PPP3CA: variants seen among roughly 807,000 people sequenced by gnomAD.
PPP3CA encodes the protein protein phosphatase 3 catalytic subunit alpha, also known as CAM-PRP catalytic subunit.
PPP3CA carries 14 observed loss-of-function variants against 66.5 expected under a neutral mutation model. That is an observed-to-expected ratio of 0.21 (90% confidence interval 0.14 to 0.33). The LOEUF (loss-of-function observed/expected upper bound fraction) is 0.33, where lower values mean the gene tolerates loss of function less well. PPP3CA is among the 10% of genes least tolerant of loss of function. PPP3CA has a pLI of 1.00. For missense variants in PPP3CA, 317 were observed against 639.5 expected, an observed-to-expected ratio of 0.50 and a Z score of 5.44; for synonymous variants, 232 against 226.2, an observed-to-expected ratio of 1.03 and a Z score of -0.23.
intron 1 of PPP3CA, among the ~76,000 whole-genome samples, chr4:101,303,635 TGTACAGGTTGTTAA>T (rs1440035134): frequency 6.6e-6 from 1 of 152,218 alleles, no homozygotes; most frequent in Admixed American, 6.5e-5. Context: ...ATATTCACAA[TGTACAGGTTGTTAA>T]CAATAGACAT....
chr4:101,106,426 A>G (rs1175896152), intron 3 of PPP3CA, among the ~76,000 whole-genome samples: 1 of 13,430 alleles, frequency 7.4e-5, no homozygotes, highest in Non-Finnish European at 1.6e-4. Context: ...AGAAAGAAAG[A>G]AAGAAAGAAA....
chr4:101,278,149 T>TAAAAAAAAAAAAAAAA (rs1200528599), intron 1 of PPP3CA, among the ~76,000 whole-genome samples: 24 of 119,548 alleles, frequency 2.0e-4, no homozygotes, highest in African/African-American at 8.8e-4. Flanking sequence ...ATAAAAAAAT[T>TAAAAAAAAAAAAAAAA]AAAAAGTTAT....
chr4:101,110,765 A>G (rs1721643069), intron 2 of PPP3CA, among the ~76,000 whole-genome samples: 1 of 152,214 alleles, frequency 6.6e-6, no homozygotes, highest in African/African-American at 2.4e-5. Flanking sequence ...TCTTGTAATC[A>G]TATGTGATAT....
chr4:101,198,384 T>C (rs1724866604), intron 1 of PPP3CA, among the ~76,000 whole-genome samples: 1 of 152,158 alleles, frequency 6.6e-6, no homozygotes, highest in African/African-American at 2.4e-5. Flanking sequence ...TGAGTCAAGA[T>C]ATGGGCTGGG....
chr4:101,093,049 T>A (rs561750271), intron 6 of PPP3CA, among the ~76,000 whole-genome samples: 3 of 152,192 alleles, frequency 2.0e-5, no homozygotes, highest in African/African-American at 4.8e-5. Context: ...TCCACAATGG[T>A]TGAACTAATT....
At chr4:101,166,537 A>G (rs1164379640) in intron 2 of PPP3CA, among the ~76,000 whole-genome samples, 1 of 152,182 alleles carries the variant, frequency 6.6e-6, no homozygotes, top group African/African-American at 2.4e-5. Flanking sequence ...AGAAAAGAAA[A>G]CTAAATTTCC....
At chr4:101,250,434 T>G (rs2583404) in intron 1 of PPP3CA, 395,815 of 442,334 alleles carry the variant, frequency 0.89, 177,443 homozygotes, top group African/African-American at 0.94. Flanking sequence ...ATTTAATAGA[T>G]TATTGTTATG....
At position 101,155,091 on chromosome 4, in the gene PPP3CA, G is replaced by A. The variant is rs143285108; in HGVS notation, c.259+40825C>T. 7.9e-5 allele frequency among the ~76,000 whole-genome samples: 12 copies of A among 152,016 alleles called. No individual in the cohort carries two copies. In the East Asian group the frequency reaches 1.2e-3, roughly 15 times the overall value. ...CGGCCTCCCAAAGTGCTGGGATTAC[G>A]GGCGTGAGCCAACGCGCCCAGCCAT... is the stretch of plus-strand genomic sequence containing the variant. On this transcript the variant is annotated intron_variant, in intron 2 of 13. Coordinates refer to ENST00000394854, the MANE Select transcript of PPP3CA (RefSeq NM_000944.5).
At chr4:101,333,182 G>T (rs1729493796) in intron 1 of PPP3CA, among the ~76,000 whole-genome samples, 2 of 136,858 alleles carry the variant, frequency 1.5e-5, no homozygotes, top group South Asian at 4.7e-4. Context: ...ATGACTCACT[G>T]CAGCCTCAAC....
intron 2 of PPP3CA, among the ~76,000 whole-genome samples, chr4:101,145,837 T>C (rs918304299): frequency 6.6e-6 from 1 of 152,164 alleles, no homozygotes; most frequent in African/African-American, 2.4e-5. Context: ...AGTTGACACA[T>C]GGCTGTAAAC....
In PPP3CA at chr4:101,317,705, T is replaced by C. The variant is rs538260474; in HGVS notation, c.58+29034A>G. ...AACACTATTTAATAAACTGGACTTT[T>C]GTGGACTTGGTCTACTTGATCCACT... On this transcript the variant is annotated intron_variant, in intron 1 of 13. Coordinates refer to ENST00000394854, the MANE Select transcript of PPP3CA (RefSeq NM_000944.5). 3.3e-5 allele frequency among the ~76,000 whole-genome samples: 5 copies of C among 152,360 alleles called. No individual in the cohort carries two copies. In the East Asian group the frequency reaches 9.6e-4, roughly 29 times the overall value.
intron 1 of PPP3CA, among the ~76,000 whole-genome samples, chr4:101,307,762 C>T (rs952005293): frequency 3.3e-5 from 5 of 152,168 alleles, no homozygotes; most frequent in East Asian, 1.9e-4. Context: ...CTTCCTCCAG[C>T]GCGAATACCA....
chr4:101,186,165 T>C (rs1031180935), intron 2 of PPP3CA, among the ~76,000 whole-genome samples: 2 of 152,074 alleles, frequency 1.3e-5, no homozygotes, highest in Non-Finnish European at 2.9e-5. Flanking sequence ...TACTAAGAAA[T>C]TGTTATAAAG....
chr4:101,137,541 C>T (rs527770400), intron 2 of PPP3CA, among the ~76,000 whole-genome samples: 3 of 152,162 alleles, frequency 2.0e-5, no homozygotes, highest in Admixed American at 2.0e-4. Context: ...CTGTGGAGCA[C>T]CTCAATGCCA....
chr4:101,303,994 C>T (rs1394343646), intron 1 of PPP3CA, among the ~76,000 whole-genome samples: 1 of 152,148 alleles, frequency 6.6e-6, no homozygotes, highest in African/African-American at 2.4e-5. Flanking sequence ...TGCTGACGCC[C>T]TGTACATATT....
chr4:101,334,773 A>G (rs1453722979), intron 1 of PPP3CA, among the ~76,000 whole-genome samples: 1 of 152,132 alleles, frequency 6.6e-6, no homozygotes, highest in Non-Finnish European at 1.5e-5. Context: ...CTGGCTAGCA[A>G]AGGCACAGTC....
chr4:101,206,974 G>A (rs1370847265), intron 1 of PPP3CA, among the ~76,000 whole-genome samples: 5 of 152,074 alleles, frequency 3.3e-5, no homozygotes, highest in African/African-American at 4.8e-5. Flanking sequence ...GGAAGCTGGC[G>A]GCCCATATCA....
At chr4:101,299,066 CTTAA>C (rs1323471439) in intron 1 of PPP3CA, among the ~76,000 whole-genome samples, 1 of 136,824 alleles carries the variant, frequency 7.3e-6, no homozygotes, top group Non-Finnish European at 1.5e-5. Context: ...AATAATTTCT[CTTAA>C]TTGATCTGCA....
At chr4:101,250,485 T>C in intron 1 of PPP3CA, 1 of 283,318 alleles carries the variant, frequency 3.5e-6, no homozygotes, top group Non-Finnish European at 7.0e-6. Flanking sequence ...AGCTCTGTCC[T>C]TATCAAAGAA....
Sources: allele counts gnomAD v4.1 joint callset (sites outside exome capture counted in the v4.1 genomes callset), GRCh38; gene constraint gnomAD v4.1.1; transcripts MANE v1.5; gene names NCBI Gene and HGNC (gene_info 2026-07-23, HGNC 2026-07-21).